Variants in PRR33 observed in about 807,000 individuals in gnomAD.
PRR33 encodes proline-rich protein 33.
In PRR33, 1 loss-of-function variant was observed where a neutral mutation model predicts 0.5. That is an observed-to-expected ratio of 2.18 (90% confidence interval 0.77 to 10.34). PRR33 has a LOEUF of 10.34. PRR33 is among the 30% of genes most tolerant of loss of function. PRR33 has a pLI of 0.13. For missense variants in PRR33, 552 were observed against 251.8 expected (o/e 2.19, Z -8.07); for synonymous variants, 226 against 110.0 (o/e 2.06, Z -6.60).
chr11:1,899,644 A>T, the PRR33 span, among the ~76,000 whole-genome samples: 1 of 152,142 alleles, frequency 6.6e-6, no homozygotes, highest in Admixed American at 6.6e-5. Context: ...CCCTTGACCA[A>T]GGCAGCCCAG....
At chr11:1,897,978 T>G in the PRR33 span, among the ~76,000 whole-genome samples, 11,748 of 152,188 alleles carry the variant, frequency 0.077, 866 homozygotes, top group African/African-American at 0.18. The surrounding 1 kb of genome is among the most constrained non-coding windows in gnomAD (Gnocchi z 4.0). Context: ...ATCAGAGAGT[T>G]AGCTGGATAA....
the PRR33 span, among the ~76,000 whole-genome samples, chr11:1,915,187 A>G: frequency 9.1e-6 from 1 of 109,628 alleles, no homozygotes; most frequent in African/African-American, 3.6e-5. Flanking sequence ...CACAACTGGG[A>G]TGATGTTTCT....
At chr11:1,914,783 T>C in the PRR33 span, among the ~76,000 whole-genome samples, 1 of 132,536 alleles carries the variant, frequency 7.5e-6, no homozygotes, top group Admixed American at 7.7e-5. Flanking sequence ...TGTGTGTGGG[T>C]TGTGGGGTGT....
At chr11:1,909,728 C>T in the PRR33 span, among the ~76,000 whole-genome samples, 1 of 151,336 alleles carries the variant, frequency 6.6e-6, no homozygotes, top group African/African-American at 2.4e-5. Flanking sequence ...TGCAGTCAGC[C>T]GTGGTGGTGT....
chr11:1,895,596 G>A (rs1849115425), upstream of PRR33, among the ~76,000 whole-genome samples: 1 of 152,088 alleles, frequency 6.6e-6, no homozygotes, highest in Admixed American at 6.5e-5. Flanking sequence ...TGTGCTTTTG[G>A]TATCATGTCT....
At chr11:1,895,465 A>G (rs947567278), upstream of PRR33, among the ~76,000 whole-genome samples, 27 of 152,328 alleles carry the variant, frequency 1.8e-4, no homozygotes, top group African/African-American at 6.5e-4. Context: ...CCTTGATGAA[A>G]TAGATTTGCA....
chr11:1,890,057 G>T (rs780826752), exon 1 of PRR33: 15 of 708,892 alleles, frequency 2.1e-5, no homozygotes, highest in African/African-American at 3.5e-5. Context: ...GGGTGACGTG[G>T]GTGCCCCCAC....
upstream of PRR33, among the ~76,000 whole-genome samples, chr11:1,895,462 GA>G (rs1849114133): frequency 6.6e-6 from 1 of 152,188 alleles, no homozygotes; most frequent in Non-Finnish European, 1.5e-5. Flanking sequence ...AATCCTTGAT[GA>G]AATAGATTTG....
chr11:1,914,227 C>CTG, the PRR33 span, among the ~76,000 whole-genome samples: 1,379 of 151,150 alleles, frequency 9.1e-3, 15 homozygotes, highest in African/African-American at 0.029. Context: ...GATGATGTTT[C>CTG]TGTGTGTGTG....
chr11:1,910,734 C>T, the PRR33 span, among the ~76,000 whole-genome samples: 1 of 152,216 alleles, frequency 6.6e-6, no homozygotes, highest in Non-Finnish European at 1.5e-5. Context: ...TATCATTTCA[C>T]CTCCGCTGAG....
chr11:1,914,742 G>T, the PRR33 span, among the ~76,000 whole-genome samples: 2 of 148,214 alleles, frequency 1.3e-5, no homozygotes, highest in Admixed American at 6.7e-5. Context: ...GTGTTGTGGG[G>T]TCACACACCT....
the PRR33 span, among the ~76,000 whole-genome samples, chr11:1,898,772 G>A: frequency 6.6e-6 from 1 of 152,088 alleles, no homozygotes; most frequent in Non-Finnish European, 1.5e-5. Flanking sequence ...TTGGGAGGCC[G>A]AGGTGGGCAC....
At chr11:1,894,057 A>AGTGTGT (rs61527876), upstream of PRR33, among the ~76,000 whole-genome samples, 1,200 of 53,014 alleles carry the variant, frequency 0.023, 16 homozygotes, top group Non-Finnish European at 0.037. Context: ...GGAGTGTGGG[A>AGTGTGT]GTGTGTGTGT....
exon 1 of PRR33, chr11:1,890,271 G>A (rs1256852104): frequency 1.4e-6 from 1 of 713,834 alleles, no homozygotes; most frequent in Non-Finnish European, 2.6e-6. Context: ...CACCATGCGG[G>A]GAGCCTCGGC....
At chr11:1,895,127 G>C (rs1351903148), upstream of PRR33, among the ~76,000 whole-genome samples, 2 of 151,800 alleles carry the variant, frequency 1.3e-5, no homozygotes, top group African/African-American at 4.8e-5. Context: ...GAGTTTGAGA[G>C]TTCTTTCTTT....
the PRR33 span, among the ~76,000 whole-genome samples, chr11:1,908,235 G>A: frequency 6.6e-6 from 1 of 152,166 alleles, no homozygotes; most frequent in Admixed American, 6.5e-5. Flanking sequence ...CGGCTCTGAT[G>A]TTCCAAATGT....
At chr11:1,896,584 TAGATA>T (rs1396055618), upstream of PRR33, among the ~76,000 whole-genome samples, 1 of 152,242 alleles carries the variant, frequency 6.6e-6, no homozygotes, top group Non-Finnish European at 1.5e-5. Context: ...ACGTTATCTG[TAGATA>T]AGATTGTTTT....
At chr11:1,890,000 C>T in exon 1 of PRR33, 1 of 660,354 alleles carries the variant, frequency 1.5e-6, no homozygotes, top group Non-Finnish European at 2.8e-6. Context: ...TCCTGGGAGG[C>T]TCAGGGGTCC....
At chr11:1,892,606 G>T (rs1849046808), upstream of PRR33, among the ~76,000 whole-genome samples, 1 of 152,272 alleles carries the variant, frequency 6.6e-6, no homozygotes, top group Non-Finnish European at 1.5e-5. Context: ...CACACAGGAG[G>T]TGCTCAGTGA....
Sources: allele counts gnomAD v4.1 joint callset (sites outside exome capture counted in the v4.1 genomes callset), GRCh38; gene constraint gnomAD v4.1.1; non-coding constraint Gnocchi (gnomAD v3.1); transcripts MANE v1.5; gene names NCBI Gene and HGNC (gene_info 2026-07-23, HGNC 2026-07-21).